The following ADAMTSL3 variants were observed in gnomAD, a reference collection of about 807,000 sequenced individuals.
ADAMTSL3 encodes ADAMTS-like protein 3.
Under a neutral mutation model 201.7 loss-of-function variants are expected in ADAMTSL3, and 128 were observed. The observed-to-expected ratio is 0.63, with a 90% CI of 0.55 to 0.73. ADAMTSL3 has a LOEUF of 0.73. Ranked by LOEUF, ADAMTSL3 falls within the 30% of genes least tolerant of loss-of-function variation. The probability of loss-of-function intolerance (pLI) is 0.00; values close to 1 mark genes in which losing one functional copy is unlikely to be tolerated. For synonymous variants in ADAMTSL3, 738 were observed against 748.4 expected (o/e 0.99, Z 0.23); for missense variants, 1,990 against 2,119.6 (o/e 0.94, Z 1.20).
chr15:83,740,324 T>G (rs2141633775), intron 3 of ADAMTSL3: 1 of 152,394 alleles, frequency 6.6e-6, no homozygotes, highest in Non-Finnish European at 1.5e-5. Context: ...TCTCCAACCT[T>G]AGTGCAATAA....
chr15:83,919,750 G>A (rs1319776673), intron 16 of ADAMTSL3, among the ~76,000 whole-genome samples: 1 of 152,124 alleles, frequency 6.6e-6, no homozygotes, highest in Non-Finnish European at 1.5e-5. Context: ...GAAAGCTCTA[G>A]AATGAAAGTG....
intron 7 of ADAMTSL3, among the ~76,000 whole-genome samples, chr15:83,847,386 A>G (rs920520560): frequency 6.6e-6 from 1 of 152,100 alleles, no homozygotes; most frequent in Admixed American, 6.6e-5. Context: ...TCGCCTTCCA[A>G]AATCCCCCAC....
intron 16 of ADAMTSL3, among the ~76,000 whole-genome samples, chr15:83,918,765 G>C (rs1243029843): frequency 2.0e-5 from 3 of 152,190 alleles, no homozygotes; most frequent in African/African-American, 7.2e-5. Context: ...TAAAGTGGGA[G>C]TTATGTGACC....
chr15:83,671,398 A>G (rs1449871867), intron 2 of ADAMTSL3, among the ~76,000 whole-genome samples: 1 of 152,194 alleles, frequency 6.6e-6, no homozygotes, highest in Non-Finnish European at 1.5e-5. Flanking sequence ...TCAATATAAA[A>G]TACAAAAAGA....
chr15:83,907,593 A>G lies in ADAMTSL3; in HGVS notation c.1701-5499A>G, dbSNP rs551761405. ...TTTTTTTTGTATTTTTAGTAGAGAC[A>G]GCGTTTCACCATGTTGGCCAGGCTG... On this transcript the variant is annotated intron_variant, in intron 15 of 29. Coordinates refer to ENST00000286744, the MANE Select transcript of ADAMTSL3 (RefSeq NM_207517.3). 5.3e-5 allele frequency among the ~76,000 whole-genome samples: 8 copies of G among 152,166 alleles called. No individual in the cohort carries two copies. In the East Asian group the frequency reaches 1.6e-3, roughly 30 times the overall value.
chr15:83,901,668 T>A (rs1360867324), intron 15 of ADAMTSL3, among the ~76,000 whole-genome samples: 1 of 152,174 alleles, frequency 6.6e-6, no homozygotes, highest in Non-Finnish European at 1.5e-5. Context: ...GTTAGGGCAA[T>A]CTTAAATTAA....
chr15:83,943,168 G>C lies in ADAMTSL3; in HGVS notation c.2490+86G>C, dbSNP rs148247476. On this transcript the variant is annotated intron_variant, in intron 19 of 29. Coordinates refer to ENST00000286744, the MANE Select transcript of ADAMTSL3 (RefSeq NM_207517.3). ...TAAATATTTCCACAAGATCAGGCTG[G>C]AACTACTGTGAGATGAGTATGGGTC... The C allele has an allele frequency of 2.9e-5, 41 of 1,438,124 alleles. 1 individual carries two copies. The African/African-American group carries it at 5.1e-4, about 18-fold the overall frequency. The allele number at this position is 1,438,124 out of a possible 1,614,324, so 89.1% of individuals were successfully genotyped here.
At position 83,784,961 on chromosome 15, in the gene ADAMTSL3, C is replaced by G. The variant is rs139574843; in HGVS notation, c.317+11311C>G. Among the ~76,000 whole-genome samples the G allele has an allele frequency of 2.7e-3, 414 of 152,174 alleles. 4 individuals carry two copies. The highest frequency in any genetic ancestry group is 9.5e-3 in the African/African-American group (394 of 41,510). On this transcript the variant is annotated intron_variant, in intron 4 of 29. Coordinates refer to ENST00000286744, the MANE Select transcript of ADAMTSL3 (RefSeq NM_207517.3). ...CATTATTTCAACACTCATTGTCTAT[C>G]TTAATTGTGTGTGTGTGCACACAAG... is the stretch of plus-strand genomic sequence containing the variant.
At chr15:83,714,523 G>C (rs1024926113) in intron 3 of ADAMTSL3, among the ~76,000 whole-genome samples, 2 of 152,046 alleles carry the variant, frequency 1.3e-5, no homozygotes, top group Admixed American at 1.3e-4. Flanking sequence ...TGCCATCCTC[G>C]TCTAACCCTT....
At chr15:83,663,327 T>C (rs1299732466) in intron 2 of ADAMTSL3, among the ~76,000 whole-genome samples, 1 of 152,202 alleles carries the variant, frequency 6.6e-6, no homozygotes, top group African/African-American at 2.4e-5. Flanking sequence ...TTTCTCGTTT[T>C]CTTTATTTTC....
chr15:83,997,952 C>A (rs2067717869), intron 23 of ADAMTSL3, among the ~76,000 whole-genome samples: 1 of 151,724 alleles, frequency 6.6e-6, no homozygotes, highest in African/African-American at 2.4e-5. Flanking sequence ...AGTGCTTGAA[C>A]TAAGATACCT....
intron 3 of ADAMTSL3, among the ~76,000 whole-genome samples, chr15:83,725,799 T>C (rs2062165718): frequency 6.6e-6 from 1 of 152,200 alleles, no homozygotes; most frequent in Non-Finnish European, 1.5e-5. Context: ...ACTACAGCTC[T>C]GTAGTATAAT....
rs893047578 is a variant in ADAMTSL3, at chr15:83,655,840, T to TA, written c.69+11dup. 1 of 1,613,032 alleles carries TA rather than the reference T, an allele frequency of 6.2e-7. No individual in the cohort carries two copies. The highest frequency in any genetic ancestry group is 1.3e-5 in the African/African-American group (1 of 75,008). ...CTCTCCCCTCCCGCAGGTAAGGTCATATAGGGAGGGGAAGGGAAATGGTGG... is the reference window on the plus strand; with the variant it reads ...CTCTCCCCTCCCGCAGGTAAGGTCATAATAGGGAGGGGAAGGGAAATGGTGG... On this transcript the variant is annotated intron_variant, in intron 2 of 29. Coordinates refer to ENST00000286744, the MANE Select transcript of ADAMTSL3 (RefSeq NM_207517.3).
chr15:83,773,947 G>A (rs1302371717), intron 4 of ADAMTSL3, among the ~76,000 whole-genome samples: 1 of 152,142 alleles, frequency 6.6e-6, no homozygotes, highest in South Asian at 2.1e-4. Flanking sequence ...GGAGCAAGAG[G>A]TCAAGTCTTC....
intron 5 of ADAMTSL3, among the ~76,000 whole-genome samples, chr15:83,815,220 A>G (rs570593101): frequency 7.9e-5 from 12 of 152,304 alleles, no homozygotes; most frequent in Admixed American, 5.2e-4. Context: ...TATGGAATCT[A>G]TTCTTATTAA....
At chr15:83,971,485 A>G (rs1213335899) in intron 20 of ADAMTSL3, among the ~76,000 whole-genome samples, 1 of 139,704 alleles carries the variant, frequency 7.2e-6, no homozygotes, top group Non-Finnish European at 1.5e-5. Context: ...TGAACCTGGG[A>G]GGCGGAGGTT....
chr15:83,948,748 G>A (rs1469529264), intron 19 of ADAMTSL3, among the ~76,000 whole-genome samples: 1 of 151,692 alleles, frequency 6.6e-6, no homozygotes, highest in Non-Finnish European at 1.5e-5. Context: ...TAAAAGACCA[G>A]TTCAGCTCTT....
intron 2 of ADAMTSL3, among the ~76,000 whole-genome samples, chr15:83,673,275 C>G (rs1166938191): frequency 1.3e-5 from 2 of 152,324 alleles, no homozygotes; most frequent in East Asian, 3.9e-4. Flanking sequence ...GAAACCCAGC[C>G]TACACCATGG....
intron 5 of ADAMTSL3, among the ~76,000 whole-genome samples, chr15:83,809,218 A>G (rs1797396437): frequency 6.6e-6 from 1 of 152,226 alleles, no homozygotes; most frequent in Non-Finnish European, 1.5e-5. Context: ...TATATAATGT[A>G]TACATGTATT....
Sources: gnomAD v4.1 joint callset for allele counts (sites outside exome capture counted in the v4.1 genomes callset) on GRCh38, gnomAD v4.1.1 for gene constraint, MANE v1.5 for transcripts, NCBI Gene and HGNC (gene_info 2026-07-23, HGNC 2026-07-21) for gene names.